LAPTM4B: variants seen among roughly 807,000 people sequenced by gnomAD.
LAPTM4B encodes lysosomal-associated transmembrane protein 4B.
LAPTM4B carries 26 observed loss-of-function variants against 28.5 expected under a neutral mutation model. That is an observed-to-expected ratio of 0.91 (90% confidence interval 0.67 to 1.27). The LOEUF (loss-of-function observed/expected upper bound fraction) is 1.27, where lower values mean the gene tolerates loss of function less well. LAPTM4B is among the 50% of genes most tolerant of loss of function. The pLI is 0.00. For synonymous variants in LAPTM4B, 109 were observed against 106.4 expected (o/e 1.02, Z -0.15); for missense variants, 288 against 285.8 (o/e 1.01, Z -0.06).
At chr8:97,819,804 G>A (rs576060138) in intron 5 of LAPTM4B, among the ~76,000 whole-genome samples, 2 of 136,648 alleles carry the variant, frequency 1.5e-5, no homozygotes, top group East Asian at 4.5e-4. Flanking sequence ...GCGCAACCTC[G>A]GCTTACTGCG....
intron 6 of LAPTM4B, among the ~76,000 whole-genome samples, chr8:97,830,857 C>T (rs1017726111): frequency 1.3e-5 from 2 of 152,062 alleles, no homozygotes; most frequent in African/African-American, 4.8e-5. Context: ...AGGAAATTGG[C>T]AGCTCAGCGG....
chr8:97,830,750 T>A (rs1298369449), intron 6 of LAPTM4B, among the ~76,000 whole-genome samples: 1 of 152,048 alleles, frequency 6.6e-6, no homozygotes, highest in Non-Finnish European at 1.5e-5. Flanking sequence ...AGGGTTCCTG[T>A]CCACCGAGGT....
intron 6 of LAPTM4B, among the ~76,000 whole-genome samples, chr8:97,839,048 G>A (rs1817304379): frequency 6.6e-6 from 1 of 152,154 alleles, no homozygotes; most frequent in South Asian, 2.1e-4. Context: ...AGCATCATGG[G>A]TGAGATTGGA....
At chr8:97,785,101 T>C (rs1373473869) in intron 1 of LAPTM4B, among the ~76,000 whole-genome samples, 1 of 152,136 alleles carries the variant, frequency 6.6e-6, no homozygotes, top group African/African-American at 2.4e-5. Context: ...ACTTTTTTTT[T>C]TTTTGAGGCA....
intron 1 of LAPTM4B, among the ~76,000 whole-genome samples, chr8:97,797,649 G>A (rs1404230226): frequency 3.9e-5 from 6 of 151,996 alleles, no homozygotes; most frequent in South Asian, 2.1e-4. Context: ...ATTTCTGATC[G>A]TTGTTTAATT....
chr8:97,845,806 C>G (rs1033270863), intron 6 of LAPTM4B, among the ~76,000 whole-genome samples: 4 of 145,704 alleles, frequency 2.7e-5, no homozygotes, highest in African/African-American at 1.0e-4. Flanking sequence ...TGATCACAAT[C>G]AGCATATCTT....
intron 1 of LAPTM4B, among the ~76,000 whole-genome samples, chr8:97,799,112 C>G (rs549994937): frequency 2.0e-5 from 3 of 152,270 alleles, no homozygotes; most frequent in Admixed American, 6.5e-5. Flanking sequence ...AACCTTGGCT[C>G]TCCCACACAT....
intron 1 of LAPTM4B, among the ~76,000 whole-genome samples, chr8:97,781,522 C>G (rs537531010): frequency 1.1e-4 from 16 of 143,156 alleles, no homozygotes; most frequent in Non-Finnish European, 2.0e-4. Context: ...AGGTGATCCG[C>G]CCGCCTCGGC....
intron 1 of LAPTM4B, among the ~76,000 whole-genome samples, chr8:97,790,642 C>T (rs1816483211): frequency 6.6e-6 from 1 of 151,920 alleles, no homozygotes; most frequent in South Asian, 2.1e-4. Context: ...AATGGGGTTT[C>T]ACCACATTGG....
intron 1 of LAPTM4B, 127 bp downstream of exon 1, chr8:97,776,235 A>G: frequency 8.6e-7 from 1 of 1,158,082 alleles, no homozygotes; most frequent in South Asian, 1.9e-5. Context: ...TAGAAACTTA[A>G]TTCTCCGGGT....
intron 1 of LAPTM4B, among the ~76,000 whole-genome samples, chr8:97,786,131 C>G (rs1465798190): frequency 6.6e-6 from 1 of 152,156 alleles, no homozygotes; most frequent in African/African-American, 2.4e-5. Context: ...AGCAACTCTC[C>G]TTTTCCTCCT....
chr8:97,825,592 A>G lies in LAPTM4B; in HGVS notation c.603+439A>G, dbSNP rs536407666. ...ACTGCAAAGTTACTATGTCTTTGTAATTTATCTTATGTATGTATTCTTAGT... is the reference window on the plus strand; with the variant it reads ...ACTGCAAAGTTACTATGTCTTTGTAGTTTATCTTATGTATGTATTCTTAGT... On this transcript the variant is annotated intron_variant, in intron 6 of 6. Transcript: ENST00000521545. Among the ~76,000 whole-genome samples the G allele has an allele frequency of 6.6e-5, 10 of 152,304 alleles. No homozygotes were observed. The South Asian group carries it at 1.9e-3, about 28-fold the overall frequency.
rs1816978301 is a variant in LAPTM4B, at chr8:97,819,911, AT to A, written c.507+678del. Among the ~76,000 whole-genome samples the A allele has an allele frequency of 7.9e-5, 12 of 151,876 alleles. No individual in the cohort carries two copies. The South Asian group carries it at 2.1e-3, about 26-fold the overall frequency. On this transcript the variant is annotated intron_variant, in intron 5 of 6. Transcript: ENST00000521545. ...CACCATGCCCAGCAAATTTTTTTGTATTTTTAGTAGAGATGGGGTTTCACTG... is the reference window on the plus strand; with the variant it reads ...CACCATGCCCAGCAAATTTTTTTGTATTTTAGTAGAGATGGGGTTTCACTG...
intron 1 of LAPTM4B, among the ~76,000 whole-genome samples, chr8:97,777,164 T>TTTTGA (rs1816234328): frequency 7.5e-6 from 1 of 132,566 alleles, no homozygotes; most frequent in Non-Finnish European, 1.6e-5. Context: ...TTTTTTTTTT[T>TTTTGA]GAGACAGAGT....
rs1015714629 is a variant in LAPTM4B at position 97,775,881 on chromosome 8, G to A, written c.-129G>A. 8.1e-6 allele frequency: 12 copies of A among 1,484,422 alleles called. No homozygotes were observed. Among genetic ancestry groups the A allele is most frequent in the Non-Finnish European group, 1.1e-5 (12 of 1,123,892 alleles). The allele number at this position is 1,484,422 out of a possible 1,614,324, so 92.0% of individuals were successfully genotyped here. ...GGGTATCGAGGAGGCAGGCCCGCGGGCGCACGGGCGAGCGGGCCGGGAGCC... is the reference window on the plus strand; with the variant it reads ...GGGTATCGAGGAGGCAGGCCCGCGGACGCACGGGCGAGCGGGCCGGGAGCC... On this transcript the variant is annotated 5_prime_UTR_variant, in exon 1 of 7. Coordinates refer to ENST00000521545, the MANE Select transcript of LAPTM4B (RefSeq NM_018407.6).
intron 6 of LAPTM4B, among the ~76,000 whole-genome samples, chr8:97,850,241 AC>A (rs1375233569): frequency 6.6e-6 from 1 of 151,878 alleles, no homozygotes; most frequent in Non-Finnish European, 1.5e-5. Context: ...TTCTGACTGG[AC>A]CCTAGCCAGT....
rs1250248372 is a variant in LAPTM4B, at chr8:97,820,853, C to CG, written c.507+1616dup. ...AAGCAATTCTCCTGCCTCAGTCTCA[C>CG]GAGTAGCTGGGACTACAGGCGCCTG... On this transcript the variant is annotated intron_variant, in intron 5 of 6. Transcript: ENST00000521545. Among the ~76,000 whole-genome samples, 25 of 152,010 alleles carry CG rather than the reference C, an allele frequency of 1.6e-4. 1 individual carries two copies. In the East Asian group the frequency reaches 4.6e-3, roughly 28 times the overall value.
At chr8:97,776,223 A>G (rs914424021) in intron 1 of LAPTM4B, 115 bp downstream of exon 1, 2 of 1,207,662 alleles carry the variant, frequency 1.7e-6, no homozygotes, top group Non-Finnish European at 2.2e-6. Flanking sequence ...AAGTTGTATT[A>G]TTAGAAACTT....
At chr8:97,780,035 A>AGT (rs1252678937) in intron 1 of LAPTM4B, among the ~76,000 whole-genome samples, 1 of 140,606 alleles carries the variant, frequency 7.1e-6, no homozygotes, top group Non-Finnish European at 1.5e-5. Flanking sequence ...TGGGCAACAG[A>AGT]GTGAGACTCT....
Sources: allele counts gnomAD v4.1 joint callset (sites outside exome capture counted in the v4.1 genomes callset), GRCh38; gene constraint gnomAD v4.1.1; transcripts MANE v1.5; gene names NCBI Gene and HGNC (gene_info 2026-07-23, HGNC 2026-07-21).